UBE2D2: variants seen among roughly 807,000 people sequenced by gnomAD.
UBE2D2 encodes the protein ubiquitin-conjugating enzyme E2 D2.
In UBE2D2, 2 loss-of-function variants were observed where a neutral mutation model predicts 24.2. That is an observed-to-expected ratio of 0.08 (90% CI 0.03 to 0.26). UBE2D2 has a LOEUF of 0.26. Ranked by LOEUF, UBE2D2 falls within the 10% of genes least tolerant of loss-of-function variation. The probability of loss-of-function intolerance (pLI) is 1.00; values close to 1 mark genes in which losing one functional copy is unlikely to be tolerated. For synonymous variants in UBE2D2, 58 were observed against 56.5 expected (o/e 1.03, Z -0.12); for missense variants, 44 against 177.6 (o/e 0.25, Z 4.28).
Position 139,587,672 on chromosome 5 carries a change from C to CAAA in UBE2D2, c.25-12680_25-12678dup, listed in dbSNP as rs766266617. On this transcript the variant is annotated intron_variant, in intron 1 of 6. Coordinates refer to ENST00000398733, the MANE Select transcript of UBE2D2 (RefSeq NM_003339.3). ...TGGCCGACAGAGCAAGACCCCATCT[C>CAAA]AAAAAAAAAAAAAAAAAAAAAACGG... Among the ~76,000 whole-genome samples, 52 of 35,418 alleles carry CAAA rather than the reference C, an allele frequency of 1.5e-3. 1 individual carries two copies. The highest frequency in any genetic ancestry group is 3.1e-3 in the South Asian group (3 of 958). 23.2% of individuals were successfully genotyped at this position (35,418 alleles called of 152,430 possible). A position where few individuals can be genotyped will look rare whatever the true frequency, so the allele number is the denominator to read the frequency against.
intron 6 of UBE2D2, among the ~76,000 whole-genome samples, chr5:139,625,222 C>T (rs1431152815): frequency 6.6e-6 from 1 of 151,276 alleles, no homozygotes; most frequent in Admixed American, 6.6e-5. Context: ...TACACCTTTC[C>T]AGCCTCCCCA....
chr5:139,600,461 G>C, intron 2 of UBE2D2, 26 bp downstream of exon 2: 3 of 1,610,430 alleles, frequency 1.9e-6, no homozygotes, highest in East Asian at 2.2e-5. Context: ...GAATAATGGA[G>C]TAATAGCATA....
intron 1 of UBE2D2, among the ~76,000 whole-genome samples, chr5:139,579,234 G>C (rs895235918): frequency 6.6e-6 from 1 of 152,168 alleles, no homozygotes; most frequent in African/African-American, 2.4e-5. Context: ...TGCAACCTCT[G>C]CCTCCCCGGT....
intron 1 of UBE2D2, among the ~76,000 whole-genome samples, chr5:139,544,473 T>C (rs1303120786): frequency 6.6e-6 from 1 of 151,732 alleles, no homozygotes; most frequent in African/African-American, 2.4e-5. Context: ...GTACTTTTAG[T>C]TGAGACAGGG....
chr5:139,548,130 T>C (rs1752856325), intron 1 of UBE2D2, among the ~76,000 whole-genome samples: 1 of 116,786 alleles, frequency 8.6e-6, no homozygotes, highest in East Asian at 3.0e-4. Flanking sequence ...CACCACTGCA[T>C]TCCAGCCTGG....
chr5:139,547,245 C>A (rs1752846472), intron 1 of UBE2D2, among the ~76,000 whole-genome samples: 2 of 151,764 alleles, frequency 1.3e-5, no homozygotes, highest in South Asian at 4.1e-4. Flanking sequence ...GAGCTGAGAT[C>A]GCACCACTGC....
At chr5:139,617,151 C>G (rs898030691) in intron 5 of UBE2D2, among the ~76,000 whole-genome samples, 4 of 150,976 alleles carry the variant, frequency 2.6e-5, no homozygotes, top group African/African-American at 9.7e-5. Flanking sequence ...CCATTGCACT[C>G]TAGCCTGGGT....
intron 2 of UBE2D2, among the ~76,000 whole-genome samples, chr5:139,604,228 C>T (rs1196001177): frequency 6.6e-6 from 1 of 151,202 alleles, no homozygotes; most frequent in African/African-American, 2.4e-5. Flanking sequence ...ATAACCTTCG[C>T]CTCGTGGGTT....
intron 1 of UBE2D2, among the ~76,000 whole-genome samples, chr5:139,596,384 C>G (rs1398469474): frequency 6.6e-6 from 1 of 151,744 alleles, no homozygotes. Flanking sequence ...ACCTCCGCCT[C>G]CTGGGTTCAA....
chr5:139,595,889 G>GTTTTTTTTTTTT (rs1561514902), intron 1 of UBE2D2, among the ~76,000 whole-genome samples: 1 of 113,018 alleles, frequency 8.8e-6, no homozygotes, highest in African/African-American at 3.6e-5. Flanking sequence ...TTTGTTTTTT[G>GTTTTTTTTTTTT]TTGTTTTTTT....
At chr5:139,584,277 G>A (rs1260215784) in intron 1 of UBE2D2, among the ~76,000 whole-genome samples, 1 of 152,056 alleles carries the variant, frequency 6.6e-6, no homozygotes, top group Non-Finnish European at 1.5e-5. Context: ...TGCTGTATAG[G>A]TTTCTAGCCT....
chr5:139,532,414 C>T (rs374098021), intron 1 of UBE2D2, among the ~76,000 whole-genome samples: 36 of 151,704 alleles, frequency 2.4e-4, no homozygotes, highest in Non-Finnish European at 4.4e-4. Context: ...GGCAGTGGCA[C>T]GATCTCGGCT....
chr5:139,548,186 AAAAAAAAAAAT>A (rs1442340885), intron 1 of UBE2D2, among the ~76,000 whole-genome samples: 10 of 28,032 alleles, frequency 3.6e-4, no homozygotes, highest in Admixed American at 5.9e-4. Flanking sequence ...AAAAAAAATA[AAAAAAAAAAAT>A]AAATAAATAA....
Position 139,609,027 on chromosome 5 carries a change from C to T in UBE2D2, c.89-5559C>T, listed in dbSNP as rs567053463. 3.3e-5 allele frequency among the ~76,000 whole-genome samples: 5 copies of T among 151,688 alleles called. No homozygotes were observed. In the South Asian group the frequency reaches 6.3e-4, roughly 19 times the overall value. ...GCCTGAACCTGGGAGGCGGAGGTTG[C>T]AGTGAGCAAAGATCGCACCACTGCA... On this transcript the variant is annotated intron_variant, in intron 2 of 6. Transcript: ENST00000398733.
At chr5:139,594,677 G>A (rs984675103) in intron 1 of UBE2D2, among the ~76,000 whole-genome samples, 3 of 152,098 alleles carry the variant, frequency 2.0e-5, no homozygotes, top group Non-Finnish European at 4.4e-5. Flanking sequence ...ACCTCCCAAA[G>A]TGCTGGGATT....
intron 1 of UBE2D2, among the ~76,000 whole-genome samples, chr5:139,535,461 A>G (rs1029291732): frequency 1.3e-5 from 2 of 151,368 alleles, no homozygotes; most frequent in African/African-American, 4.9e-5. Context: ...AAAAAAAACA[A>G]AAAACAAAAA....
At position 139,624,982 on chromosome 5, in the gene UBE2D2, C is replaced by A. The variant is rs1243133497; in HGVS notation, c.398+1521C>A. Among the ~76,000 whole-genome samples the A allele has an allele frequency of 2.6e-5, 4 of 152,152 alleles. 1 individual carries two copies. In the South Asian group the frequency reaches 8.3e-4, roughly 32 times the overall value. ...CTGAATGCTTACCAGAAGTCATTTC[C>A]CAAGTCATCATGGAGTAATGTTGAA... is the stretch of plus-strand genomic sequence containing the variant. On this transcript the variant is annotated intron_variant, in intron 6 of 6. Coordinates refer to ENST00000398733, the MANE Select transcript of UBE2D2 (RefSeq NM_003339.3).
At chr5:139,607,919 G>A (rs983695609) in intron 2 of UBE2D2, among the ~76,000 whole-genome samples, 1 of 151,920 alleles carries the variant, frequency 6.6e-6, no homozygotes, top group African/African-American at 2.4e-5. Context: ...TGGCTGACGT[G>A]GGAGGATTGC....
At chr5:139,622,489 C>A (rs543940733) in intron 5 of UBE2D2, among the ~76,000 whole-genome samples, 4 of 150,830 alleles carry the variant, frequency 2.7e-5, no homozygotes, top group African/African-American at 9.7e-5. Flanking sequence ...GTGATCCACC[C>A]CCCTCCGCCT....
Sources: gnomAD v4.1 joint callset for allele counts (sites outside exome capture counted in the v4.1 genomes callset) on GRCh38, gnomAD v4.1.1 for gene constraint, MANE v1.5 for transcripts, NCBI Gene and HGNC (gene_info 2026-07-23, HGNC 2026-07-21) for gene names.